ANKS1B: variants seen among roughly 807,000 people sequenced by gnomAD.
ANKS1B encodes ankyrin repeat and sterile alpha motif domain-containing protein 1B.
Under a neutral mutation model 148.3 loss-of-function variants are expected in ANKS1B, and 36 were observed. The ratio of observed to expected loss-of-function variants is 0.24; its 90% CI spans 0.19 to 0.32. The LOEUF is 0.32. Among genes scored for constraint, ANKS1B ranks in the 10% least tolerant of loss-of-function variants. ANKS1B has a pLI of 1.00. For missense variants in ANKS1B, 1,157 were observed against 1,542.6 expected (o/e 0.75, Z 4.19); for synonymous variants, 542 against 560.8 (o/e 0.97, Z 0.47).
rs145780660 is a variant in ANKS1B, at chr12:99,618,304, T to C, written c.1272+36763A>G. On this transcript the variant is annotated intron_variant, in intron 9 of 26. Transcript: ENST00000683438. ...AGAAATTATAGATGACATAACCAAA[T>C]GGAAAACCATTCCATGTTCATGGAT... Among the ~76,000 whole-genome samples the C allele has an allele frequency of 8.2e-4, 125 of 152,264 alleles. No individual in the cohort carries two copies. In the East Asian group the frequency reaches 0.021, roughly 26 times the overall value.
intron 10 of ANKS1B, among the ~76,000 whole-genome samples, chr12:99,459,659 A>G (rs548220306): frequency 2.4e-4 from 36 of 150,864 alleles, no homozygotes; most frequent in African/African-American, 8.7e-4. Flanking sequence ...CCCTTTTACA[A>G]TAGCTACAAA....
chr12:99,956,365 A>C (rs1385657563), intron 1 of ANKS1B, among the ~76,000 whole-genome samples: 1 of 152,036 alleles, frequency 6.6e-6, no homozygotes, highest in Non-Finnish European at 1.5e-5. Context: ...CAAACAAGTA[A>C]ATTTTTTCTG....
intron 15 of ANKS1B, among the ~76,000 whole-genome samples, chr12:99,115,470 G>A (rs995292268): frequency 6.6e-6 from 1 of 152,152 alleles, no homozygotes; most frequent in African/African-American, 2.4e-5. Flanking sequence ...GCCTCCTTGA[G>A]GGTGATGGTT....
At chr12:99,515,885 GT>G (rs1242348313) in intron 9 of ANKS1B, among the ~76,000 whole-genome samples, 1 of 152,108 alleles carries the variant, frequency 6.6e-6, no homozygotes, top group Non-Finnish European at 1.5e-5. Flanking sequence ...TCTCATTGTA[GT>G]TTTGATTTGC....
chr12:99,981,491 A>C (rs1250851105), intron 1 of ANKS1B, among the ~76,000 whole-genome samples: 2 of 152,140 alleles, frequency 1.3e-5, no homozygotes, highest in Admixed American at 6.5e-5. Flanking sequence ...AAAAATACCA[A>C]AATTTAAGGA....
In ANKS1B at chr12:99,859,653, G is replaced by T. The variant is rs1045978155; in HGVS notation, c.135-34264C>A. On this transcript the variant is annotated intron_variant, in intron 1 of 26. Coordinates refer to ENST00000683438, the MANE Select transcript of ANKS1B (RefSeq NM_001352186.2). ...GTTGAAAGTTTTTTGTTTTGTTTTT[G>T]TTTTTTTTTTTGAGACAGAGTCTTG... Among the ~76,000 whole-genome samples, 159 of 144,838 alleles carry T rather than the reference G, an allele frequency of 1.1e-3. 1 individual carries two copies. Among genetic ancestry groups the T allele is most frequent in the African/African-American group, 3.8e-3 (150 of 39,912 alleles).
rs17028674 is a variant in ANKS1B at position 98,770,347 on chromosome 12, T to G, written c.3579+2695A>C. Among the ~76,000 whole-genome samples, 935 of 152,304 alleles carry G rather than the reference T, an allele frequency of 6.1e-3. 37 individuals are homozygous for G. Among genetic ancestry groups the G allele is most frequent in the Admixed American group, 0.055 (838 of 15,296 alleles). ...GAAAGGTATTTCACATAAACCAAAA[T>G]AGATGTGAACAGGATGAAATTTGAC... On this transcript the variant is annotated intron_variant, in intron 25 of 26. Transcript: ENST00000683438.
intron 4 of ANKS1B, among the ~76,000 whole-genome samples, chr12:99,802,928 G>T (rs1187398551): frequency 7.1e-6 from 1 of 140,036 alleles, no homozygotes; most frequent in Non-Finnish European, 1.5e-5. Flanking sequence ...AAAAAAAAAA[G>T]TAAAATAAAA....
At chr12:99,545,962 G>A (rs564028757) in intron 9 of ANKS1B, among the ~76,000 whole-genome samples, 8 of 151,924 alleles carry the variant, frequency 5.3e-5, no homozygotes, top group Non-Finnish European at 7.4e-5. Context: ...ATTCTCCTCC[G>A]TTGGAGAAGA....
intron 4 of ANKS1B, among the ~76,000 whole-genome samples, chr12:99,803,286 A>ACCCC (rs2067198802): frequency 9.5e-6 from 1 of 105,444 alleles, no homozygotes; most frequent in Non-Finnish European, 2.1e-5. Context: ...CCCCCCCCCA[A>ACCCC]AAAAAAAGGC....
chr12:99,906,639 T>C (rs575893609), intron 1 of ANKS1B, among the ~76,000 whole-genome samples: 2 of 152,374 alleles, frequency 1.3e-5, no homozygotes, highest in Non-Finnish European at 2.9e-5. Flanking sequence ...TCTAGTCTCA[T>C]GGTTGATTAA....
At chr12:99,009,851 AAAAC>A (rs1213651006) in intron 17 of ANKS1B, among the ~76,000 whole-genome samples, 1 of 148,538 alleles carries the variant, frequency 6.7e-6, no homozygotes. Context: ...CAAAAAAAAA[AAAAC>A]AAACAAAAAA....
Position 99,244,364 on chromosome 12 carries a change from T to G in ANKS1B, c.2397A>C (p.Lys799Asn). The G allele has an allele frequency of 6.2e-7, 1 of 1,607,844 alleles. No homozygotes were observed. Among genetic ancestry groups the G allele is most frequent in the East Asian group, 2.2e-5 (1 of 44,528 alleles). The change falls in exon 14 of 27, where the codon AAA becomes AAC. Residue 799 changes from lysine (K) to asparagine (N), a missense_variant. Physicochemically the swap from Lys to Asn is moderately conservative, Grantham distance 94 (BLOSUM62 0). Coordinates refer to ENST00000683438, the MANE Select transcript of ANKS1B (RefSeq NM_001352186.2). ...TACTTGTGGTCTCACCATTCATCTC[T>G]TTAAGTTCGTTGTTGATTCCAACAT... ...SIDVGINNEL[K>N]EMNGETTRPR...
intron 9 of ANKS1B, among the ~76,000 whole-genome samples, chr12:99,533,186 G>A (rs539488194): frequency 6.6e-6 from 1 of 152,114 alleles, no homozygotes; most frequent in African/African-American, 2.4e-5. Context: ...ATTTGTTTGT[G>A]TCATCTATGA....
At chr12:98,997,690 C>A (rs1468796450) in intron 17 of ANKS1B, among the ~76,000 whole-genome samples, 1 of 151,996 alleles carries the variant, frequency 6.6e-6, no homozygotes, top group East Asian at 1.9e-4. Flanking sequence ...CGCGCCTGGC[C>A]CAGGCTTCAA....
intron 12 of ANKS1B, among the ~76,000 whole-genome samples, chr12:99,315,299 T>G (rs1289724455): frequency 6.9e-6 from 1 of 144,658 alleles, no homozygotes; most frequent in South Asian, 2.1e-4. Flanking sequence ...ACGGAAAAAA[T>G]TTTTTACAAT....
At chr12:99,656,864 T>TA (rs2098452150) in intron 8 of ANKS1B, among the ~76,000 whole-genome samples, 1 of 152,196 alleles carries the variant, frequency 6.6e-6, no homozygotes, top group African/African-American at 2.4e-5. Flanking sequence ...CTAAAGCAAG[T>TA]AAATATATTC....
At chr12:99,222,129 TA>T (rs962838602) in intron 14 of ANKS1B, among the ~76,000 whole-genome samples, 11 of 152,106 alleles carry the variant, frequency 7.2e-5, no homozygotes, top group African/African-American at 2.7e-4. Flanking sequence ...TTATATAGCT[TA>T]AAAATGAGAG....
intron 15 of ANKS1B, among the ~76,000 whole-genome samples, chr12:99,146,698 G>A (rs934692424): frequency 6.6e-6 from 1 of 152,086 alleles, no homozygotes; most frequent in African/African-American, 2.4e-5. Flanking sequence ...GTAGCCACCT[G>A]CCTGATCTCC....
Sources: allele counts gnomAD v4.1 joint callset (sites outside exome capture counted in the v4.1 genomes callset), GRCh38; gene constraint gnomAD v4.1.1; transcripts MANE v1.5; gene names NCBI Gene and HGNC (gene_info 2026-07-23, HGNC 2026-07-21).